ACAN: variants seen among roughly 807,000 people sequenced by gnomAD.
The protein encoded by ACAN is aggrecan core protein.
A neutral mutation model predicts 169.1 loss-of-function variants in ACAN; 47 were observed. That is an observed-to-expected ratio of 0.28 (90% CI 0.22 to 0.35). The LOEUF is 0.35. ACAN is among the 10% of genes least tolerant of loss of function. ACAN has a pLI of 1.00. For synonymous variants in ACAN, 1,115 were observed against 1,112.2 expected, an observed-to-expected ratio of 1.00 and a Z score of -0.05; for missense variants, 2,716 against 2,759.9, an observed-to-expected ratio of 0.98 and a Z score of 0.36.
intron 8 of ACAN, among the ~76,000 whole-genome samples, chr15:88,847,636 C>A (rs1486190480): frequency 6.6e-6 from 1 of 152,206 alleles, no homozygotes; most frequent in African/African-American, 2.4e-5. Context: ...GGCAGCAGCC[C>A]CCTCCTCAAG....
intron 11 of ACAN, among the ~76,000 whole-genome samples, chr15:88,853,771 TACATACATAC>T (rs1896985546): frequency 6.6e-6 from 1 of 151,950 alleles, no homozygotes; most frequent in African/African-American, 2.4e-5. Context: ...CATACATACA[TACATACATAC>T]ATACGTACAT....
At position 88,858,222 on chromosome 15, in the gene ACAN, T is replaced by A. The variant is rs1337172491; in HGVS notation, c.5637T>A (p.Ser1879=). The A allele has an allele frequency of 1.2e-6, 2 of 1,613,818 alleles. No homozygotes were observed. The highest frequency in any genetic ancestry group is 1.3e-5 in the African/African-American group (1 of 74,926). ...TGGTGGATGTCAGTGGACAGTTTTC[T>A]GGAACAGTCGATTCCAGTGGGTTTA... ...SGMVDVSGQF[S]GTVDSSGFTS... Residue 1879 remains serine, a synonymous_variant, in exon 12 of 19, where the codon TCT becomes TCA. Transcript: ENST00000560601. The surrounding 1 kb of genome is among the most constrained non-coding windows in gnomAD (Gnocchi z 4.0).
rs747087432 is a variant in ACAN, at chr15:88,855,058, C to T, written c.2473C>T (p.Pro825Ser). Residue 825 changes from proline to serine, a missense_variant, in exon 12 of 19, where the codon CCC becomes TCC. Physicochemically the swap from Pro to Ser is moderately conservative, Grantham distance 74. This residue lies in a region of ACAN where 1,283 missense variants were observed against 1,281.5 expected (regional missense o/e 1.00). Transcript: ENST00000560601. ...GCTGTTCCCCTCAGAGGAGCCATTC[C>T]CCTCCAAGGAGCCATCCCCCTCAGA... ...VELFPSEEPFPSKEPSPSEEP... is the reference protein window; with the variant it reads ...VELFPSEEPFSSKEPSPSEEP... 3 of 1,587,174 alleles carry T rather than the reference C, an allele frequency of 1.9e-6. No homozygotes were observed. Among genetic ancestry groups the T allele is most frequent in the Admixed American group, 1.8e-5 (1 of 55,684 alleles).
rs1178759227 is a variant in ACAN, at chr15:88,870,251, C to T, written c.7061-1131C>T. 6.6e-6 allele frequency among the ~76,000 whole-genome samples: 1 copy of T among 152,196 alleles called. No homozygotes were observed. The highest frequency in any genetic ancestry group is 1.5e-5 in the Non-Finnish European group (1 of 68,040). On this transcript the variant is annotated intron_variant, in intron 14 of 18. Coordinates refer to ENST00000560601, the MANE Select transcript of ACAN (RefSeq NM_001369268.1). This position sits in a 1 kb window ranked among gnomAD's most constrained non-coding sequence, Gnocchi z 6.3. ...CCCCTTCAGCCTAAGACTCCTTCCC[C>T]TCGGGTACTGGTCCTTCCATTCCAG...
intron 1 of ACAN, among the ~76,000 whole-genome samples, chr15:88,808,722 AG>A (rs1005540759): frequency 3.0e-4 from 46 of 152,304 alleles, no homozygotes; most frequent in African/African-American, 1.1e-3. Flanking sequence ...CATGCACAAT[AG>A]AGAATTATCT....
At chr15:88,845,905 A>G (rs762346422) in intron 7 of ACAN, 23 bp downstream of exon 7, 6 of 1,441,944 alleles carry the variant, frequency 4.2e-6, no homozygotes, top group Non-Finnish European at 5.5e-6. Flanking sequence ...CCGTGGGTGC[A>G]TCCAGGGGCA....
chr15:88,846,594 G>A (rs981983036), intron 7 of ACAN, among the ~76,000 whole-genome samples: 3 of 152,074 alleles, frequency 2.0e-5, no homozygotes, highest in African/African-American at 4.8e-5. Flanking sequence ...ACCGTAGATG[G>A]AAAATATTCC....
chr15:88,805,276 G>A (rs1210194826), intron 1 of ACAN, among the ~76,000 whole-genome samples: 1 of 152,166 alleles, frequency 6.6e-6, no homozygotes, highest in Non-Finnish European at 1.5e-5. Flanking sequence ...AGGCTCCAGG[G>A]AGAAACTGCA....
intron 4 of ACAN, among the ~76,000 whole-genome samples, chr15:88,840,513 A>G (rs1896625368): frequency 6.6e-6 from 1 of 152,172 alleles, no homozygotes. Context: ...TTTATAAACA[A>G]ACTTCCATCC....
At position 88,858,546 on chromosome 15, in the gene ACAN, G is replaced by A. The variant is rs1293602360; in HGVS notation, c.5961G>A (p.Leu1987=). The A allele has an allele frequency of 1.2e-6, 2 of 1,613,802 alleles. No individual in the cohort carries two copies. Among genetic ancestry groups the A allele is most frequent in the African/African-American group, 1.3e-5 (1 of 74,924 alleles). The change falls in exon 12 of 19, where the codon CTG becomes CTA. Residue 1987 remains leucine, a synonymous_variant. Transcript: ENST00000560601. The surrounding 1 kb of genome is among the most constrained non-coding windows in gnomAD (Gnocchi z 4.0). ...EHSGFLDLSG[L]QSGLIEPSGE... is the part of the protein sequence containing the mutation. ...CTGGATTTCTGGACCTAAGTGGGCT[G>A]CAGTCCGGGCTGATAGAGCCCAGCG... is the stretch of plus-strand genomic sequence containing the variant.
chr15:88,853,630 C>T (rs1896979553), intron 11 of ACAN, among the ~76,000 whole-genome samples: 2 of 151,720 alleles, frequency 1.3e-5, no homozygotes, highest in African/African-American at 4.8e-5. Context: ...AGAGCAAGAC[C>T]CTCTCTCCAA....
At position 88,855,248 on chromosome 15, in the gene ACAN, G is replaced by A. The variant is rs763199875; in HGVS notation, c.2663G>A (p.Gly888Glu). The change falls in exon 12 of 19, where the codon GGG (glycine) becomes GAG (glutamate). Residue 888 changes from glycine to glutamate, a missense_variant. Coordinates refer to ENST00000560601, the MANE Select transcript of ACAN (RefSeq NM_001369268.1). ...CTTGACTTCAGTGGGCAGCTGTCAG[G>A]GGACAGGGCAAGTGGACTGCCCTCT... ...GHLDFSGQLS[G>E]DRASGLPSGD... The A allele has an allele frequency of 1.2e-5, 20 of 1,605,934 alleles. No homozygotes were observed. The South Asian group carries it at 1.8e-4, about 14-fold the overall frequency.
chr15:88,864,298 C>A (rs1418063133), intron 13 of ACAN, among the ~76,000 whole-genome samples: 1 of 150,778 alleles, frequency 6.6e-6, no homozygotes, highest in Non-Finnish European at 1.5e-5. Flanking sequence ...GACAGAGTCT[C>A]GCACTGTCAT....
chr15:88,843,869 GATCAGCACAGACGAGGCTTA>G lies in ACAN; in HGVS notation c.1051+223_1051+242del, dbSNP rs767049008. 7.9e-5 allele frequency among the ~76,000 whole-genome samples: 12 copies of G among 152,132 alleles called. No homozygotes were observed. Among genetic ancestry groups the G allele is most frequent in the Non-Finnish European group, 8.8e-5 (6 of 68,024 alleles). ...CAGCGTATCTAGCTCTGTCTCATCG[GATCAGCACAGACGAGGCTTA>G]AAAACCTCCAAACTGTTTTCTCCAG... On this transcript the variant is annotated intron_variant, in intron 6 of 18. Coordinates refer to ENST00000560601, the MANE Select transcript of ACAN (RefSeq NM_001369268.1). The surrounding 1 kb of genome is among the most constrained non-coding windows in gnomAD (Gnocchi z 4.0).
At position 88,836,293 on chromosome 15, in the gene ACAN, A is replaced by G; in HGVS notation, c.70+17A>G. 6.2e-7 allele frequency: 1 copy of G among 1,604,972 alleles called. No homozygotes were observed. Among genetic ancestry groups the G allele is most frequent in the African/African-American group, 1.3e-5 (1 of 74,832 alleles). On this transcript the variant is annotated intron_variant, in intron 2 of 18. Transcript: ENST00000560601. ...AAACTTCAGGTGAGGACATTCCTAT[A>G]CATGTTTCACGTATTCAGTAGGCAT...
intron 1 of ACAN, among the ~76,000 whole-genome samples, chr15:88,804,051 C>T (rs1895612293): frequency 6.6e-6 from 1 of 152,200 alleles, no homozygotes; most frequent in South Asian, 2.1e-4. Context: ...GCACTTGTCT[C>T]CTAGTCCGCC....
At chr15:88,827,199 A>T (rs919925070) in intron 1 of ACAN, among the ~76,000 whole-genome samples, 1 of 152,218 alleles carries the variant, frequency 6.6e-6, no homozygotes, top group African/African-American at 2.4e-5. Context: ...CTGACCACAG[A>T]GAAGCTCCAA....
Position 88,857,465 on chromosome 15 carries a change from C to G in ACAN, c.4880C>G (p.Ser1627Cys). 6.2e-7 allele frequency: 1 copy of G among 1,613,928 alleles called. No homozygotes were observed. The highest frequency in any genetic ancestry group is 8.5e-7 in the Non-Finnish European group (1 of 1,179,896). The change falls in exon 12 of 19, where the codon TCT becomes TGT. Residue 1627 changes from serine (S) to cysteine (C), a missense_variant. Transcript: ENST00000560601. ...GQAPETSGLPSGFSGEYSGVD... is the reference protein window; with the variant it reads ...GQAPETSGLPCGFSGEYSGVD... ...GCTCCAGAAACAAGTGGTCTTCCCT[C>G]TGGATTTAGTGGTGAGTATTCTGGG...
chr15:88,831,714 C>G (rs988804208), intron 1 of ACAN, among the ~76,000 whole-genome samples: 1 of 152,236 alleles, frequency 6.6e-6, no homozygotes, highest in Non-Finnish European at 1.5e-5. Flanking sequence ...TTGAGCAACT[C>G]AGCCTCCTCC....
Sources: allele counts gnomAD v4.1 joint callset (sites outside exome capture counted in the v4.1 genomes callset), GRCh38; gene constraint gnomAD v4.1.1; regional missense constraint gnomAD v4.1.1; non-coding constraint Gnocchi (gnomAD v3.1); transcripts MANE v1.5; gene names NCBI Gene and HGNC (gene_info 2026-07-23, HGNC 2026-07-21).